Variants in DAGLB observed in about 807,000 individuals in gnomAD.
DAGLB encodes the protein diacylglycerol lipase-beta.
Under a neutral mutation model 72.1 loss-of-function variants are expected in DAGLB, and 66 were observed. That is an observed-to-expected ratio of 0.92 (90% CI 0.75 to 1.12). The LOEUF (loss-of-function observed/expected upper bound fraction) is 1.12, where lower values mean the gene tolerates loss of function less well. DAGLB is among the 50% of genes most tolerant of loss of function. The probability of loss-of-function intolerance (pLI) is 0.00; values close to 1 mark genes in which losing one functional copy is unlikely to be tolerated. For missense variants in DAGLB, 1,065 were observed against 884.9 expected (o/e 1.20, Z -2.58); for synonymous variants, 414 against 359.5 (o/e 1.15, Z -1.71).
At chr7:6,433,046 G>A in intron 4 of DAGLB, 87 bp from the exon 5 acceptor site, 1 of 1,524,578 alleles carries the variant, frequency 6.6e-7, no homozygotes, top group Admixed American at 2.1e-5. Context: ...ATAGTTGATA[G>A]GCATTCACGC....
Position 6,447,910 on chromosome 7 carries a change from C to T in DAGLB, c.-68G>A, listed in dbSNP as rs1177836104. 19 of 1,487,826 alleles carry T rather than the reference C, an allele frequency of 1.3e-5. No homozygotes were observed. In the Middle Eastern group the frequency reaches 5.3e-4, roughly 41 times the overall value. 92.2% of individuals were successfully genotyped at this position (1,487,826 alleles called of 1,614,324 possible). On this transcript the variant is annotated 5_prime_UTR_variant, in exon 1 of 15. Coordinates refer to ENST00000297056, the MANE Select transcript of DAGLB (RefSeq NM_139179.4). ...CCGTTCACCGAGAACAAACCAGCAC[C>T]CTCCGGACGCCGCCACCAAATTATC...
intron 2 of DAGLB, among the ~76,000 whole-genome samples, chr7:6,440,051 CAA>C (rs1160695528): frequency 2.1e-4 from 14 of 68,018 alleles, no homozygotes; most frequent in Admixed American, 1.8e-4. Context: ...GACTCTGTCT[CAA>C]AAAAAAAAAA....
At chr7:6,439,969 T>G (rs1302901763) in intron 2 of DAGLB, among the ~76,000 whole-genome samples, 1 of 146,440 alleles carries the variant, frequency 6.8e-6, no homozygotes, top group Non-Finnish European at 1.5e-5. Context: ...GGAGAATCGG[T>G]CGAACCCAAG....
chr7:6,409,931 T>C lies in DAGLB; in HGVS notation c.1925A>G (p.Asp642Gly). ...GCTGTCCAAGGCCCGCATCAGGATGTCTGGCATGTGGTCGGTGAGCATCTT... is the reference window on the plus strand; with the variant it reads ...GCTGTCCAAGGCCCGCATCAGGATGCCTGGCATGTGGTCGGTGAGCATCTT... ...GPKMLTDHMP[D>G]ILMRALDSVV... Residue 642 changes from aspartate (D) to glycine (G), a missense_variant, in exon 15 of 15, where the codon GAC (aspartate) becomes GGC (glycine). Asp to Gly is a moderately conservative substitution (Grantham distance 94). Coordinates refer to ENST00000297056, the MANE Select transcript of DAGLB (RefSeq NM_139179.4). 6.2e-7 allele frequency: 1 copy of C among 1,614,142 alleles called. No homozygotes were observed. Among genetic ancestry groups the C allele is most frequent in the East Asian group, 2.2e-5 (1 of 44,878 alleles).
intron 11 of DAGLB, among the ~76,000 whole-genome samples, chr7:6,413,638 A>G (rs117101144): frequency 0.043 from 6,600 of 151,770 alleles, 289 homozygotes; most frequent in East Asian, 0.22. Context: ...TCAAAAGAAA[A>G]AAAAAAAAAA....
chr7:6,421,006 C>T (rs549979927), intron 9 of DAGLB, among the ~76,000 whole-genome samples: 1 of 152,158 alleles, frequency 6.6e-6, no homozygotes, highest in East Asian at 1.9e-4. Flanking sequence ...AATGTACTAC[C>T]TGAATGAATT....
intron 13 of DAGLB, 128 bp downstream of exon 13, chr7:6,412,683 T>C (rs1223206114): frequency 1.9e-6 from 2 of 1,058,460 alleles, no homozygotes; most frequent in Admixed American, 4.2e-5. Context: ...GATCAGATGG[T>C]GGAAGGAGAA....
chr7:6,426,743 G>A (rs561470756), intron 6 of DAGLB, among the ~76,000 whole-genome samples: 5 of 152,182 alleles, frequency 3.3e-5, no homozygotes, highest in Non-Finnish European at 7.3e-5. Context: ...CAAATGAACA[G>A]CACAGCCAAC....
intron 6 of DAGLB, among the ~76,000 whole-genome samples, chr7:6,430,252 T>C (rs1162193244): frequency 5.2e-5 from 3 of 57,736 alleles, no homozygotes; most frequent in South Asian, 7.5e-4. Flanking sequence ...TACATGTGCA[T>C]ATATATATAT....
At chr7:6,436,752 A>G (rs1458883649) in intron 2 of DAGLB, among the ~76,000 whole-genome samples, 1 of 152,104 alleles carries the variant, frequency 6.6e-6, no homozygotes, top group Non-Finnish European at 1.5e-5. Context: ...CTTTTTTAAG[A>G]TTTAGCAGGG....
At chr7:6,412,564 G>C in intron 13 of DAGLB, 1 of 528,244 alleles carries the variant, frequency 1.9e-6, no homozygotes. Context: ...GGGATTCCAG[G>C]CATACACCAC....
At chr7:6,431,363 G>T (rs908926116) in intron 5 of DAGLB, among the ~76,000 whole-genome samples, 1 of 152,006 alleles carries the variant, frequency 6.6e-6, no homozygotes, top group Non-Finnish European at 1.5e-5. Context: ...TCTGCCCCCA[G>T]CCCCAGAGAA....
chr7:6,409,988 T>C lies in DAGLB; in HGVS notation c.1868A>G (p.Glu623Gly). ...AAHYSAKWSH[E>G]AEFSKILIGP... ...TATGAGTATTTTGCTGAATTCCGCT[T>C]CGTGTGACCACTTGGCGCTATAGTG... The change falls in exon 15 of 15, where the codon GAA (glutamate) becomes GGA (glycine). Residue 623 changes from glutamate to glycine, a missense_variant. By Grantham distance (98) the Glu-to-Gly change is moderately conservative (BLOSUM62 -2). Transcript: ENST00000297056. The C allele has an allele frequency of 6.2e-7, 1 of 1,614,146 alleles. No homozygotes were observed. The highest frequency in any genetic ancestry group is 8.5e-7 in the Non-Finnish European group (1 of 1,180,030).
chr7:6,428,331 A>G lies in DAGLB; in HGVS notation c.929+2149T>C, dbSNP rs940000056. The stretch of plus-strand genomic sequence containing the variant: ...ACTCTGTCTCAAAAAAAAAAAAAAA[A>G]AAAAGAAAGAAAGAAAGAAAAAGAA... On this transcript the variant is annotated intron_variant, in intron 6 of 14. Coordinates refer to ENST00000297056, the MANE Select transcript of DAGLB (RefSeq NM_139179.4). 2.1e-4 allele frequency among the ~76,000 whole-genome samples: 31 copies of G among 150,678 alleles called. 1 individual carries two copies. Among genetic ancestry groups the G allele is most frequent in the African/African-American group, 3.9e-4 (16 of 41,268 alleles).
At chr7:6,415,824 G>A (rs534530259) in intron 11 of DAGLB, among the ~76,000 whole-genome samples, 176 of 148,210 alleles carry the variant, frequency 1.2e-3, no homozygotes, top group African/African-American at 4.0e-3. Context: ...CAGCCTGGGC[G>A]ACAGAGCAAG....
At chr7:6,446,736 C>G (rs541205298) in intron 1 of DAGLB, among the ~76,000 whole-genome samples, 3 of 150,764 alleles carry the variant, frequency 2.0e-5, no homozygotes, top group Admixed American at 6.6e-5. Context: ...AGGCCCGGCA[C>G]GGCGGCTCAC....
intron 8 of DAGLB, among the ~76,000 whole-genome samples, chr7:6,424,517 G>A (rs1266737519): frequency 6.6e-6 from 1 of 152,292 alleles, no homozygotes; most frequent in South Asian, 2.1e-4. Context: ...TCCTGTGGCG[G>A]GGGGGCCAAC....
At chr7:6,418,848 T>C (rs1784009740) in intron 9 of DAGLB, among the ~76,000 whole-genome samples, 1 of 151,896 alleles carries the variant, frequency 6.6e-6, no homozygotes, top group South Asian at 2.1e-4. Flanking sequence ...GTATTTTTAG[T>C]AGAGACGGGG....
intron 11 of DAGLB, among the ~76,000 whole-genome samples, chr7:6,414,062 G>A (rs193096335): frequency 1.1e-4 from 16 of 152,306 alleles, no homozygotes; most frequent in Admixed American, 9.8e-4. Context: ...CCAGGCTGGA[G>A]TGCAGCGGCA....
Sources: gnomAD v4.1 joint callset for allele counts (sites outside exome capture counted in the v4.1 genomes callset) on GRCh38, gnomAD v4.1.1 for gene constraint, MANE v1.5 for transcripts, NCBI Gene and HGNC (gene_info 2026-07-23, HGNC 2026-07-21) for gene names.